TBC1D5: variants seen among roughly 807,000 people sequenced by gnomAD.
The protein encoded by TBC1D5 is TBC1 domain family, member 5.
Under a neutral mutation model 100.3 loss-of-function variants are expected in TBC1D5, and 75 were observed. The observed-to-expected ratio is 0.75, with a 90% CI of 0.62 to 0.91. The LOEUF (loss-of-function observed/expected upper bound fraction) is 0.91. Among genes scored for constraint, TBC1D5 ranks in the 40% least tolerant of loss-of-function variants. The pLI is 0.00. For synonymous variants in TBC1D5, 323 were observed against 325.6 expected, an observed-to-expected ratio of 0.99 and a Z score of 0.09; for missense variants, 910 against 942.4, an observed-to-expected ratio of 0.97 and a Z score of 0.45.
chr3:17,331,238 C>T (rs77139691), intron 13 of TBC1D5, among the ~76,000 whole-genome samples: 1 of 152,298 alleles, frequency 6.6e-6, no homozygotes, highest in African/African-American at 2.4e-5. Context: ...AACTTTCCAA[C>T]TCCCAACTCC....
intron 12 of TBC1D5, 134 bp from the exon 13 acceptor site, chr3:17,372,381 G>A: frequency 2.7e-6 from 2 of 728,296 alleles, no homozygotes; most frequent in Non-Finnish European, 2.0e-6. Context: ...AAAAAGGTGA[G>A]AGCACCATGA....
At chr3:17,195,958 C>A (rs1336201182) in intron 18 of TBC1D5, among the ~76,000 whole-genome samples, 1 of 152,158 alleles carries the variant, frequency 6.6e-6, no homozygotes, top group African/African-American at 2.4e-5. Flanking sequence ...TTGGTAAATG[C>A]TGCTGAGAAA....
chr3:17,343,655 G>T (rs1002339559), intron 13 of TBC1D5, among the ~76,000 whole-genome samples: 3 of 151,934 alleles, frequency 2.0e-5, no homozygotes, highest in African/African-American at 7.3e-5. Flanking sequence ...TCCTGTTACT[G>T]GTCTATTCAG....
intron 1 of TBC1D5, among the ~76,000 whole-genome samples, chr3:17,638,041 T>G (rs1209298724): frequency 6.6e-6 from 1 of 152,184 alleles, no homozygotes; most frequent in African/African-American, 2.4e-5. Context: ...TGATGCCATA[T>G]TGCCACAATT....
At chr3:17,561,187 AT>A (rs756498210) in intron 2 of TBC1D5, among the ~76,000 whole-genome samples, 9 of 152,206 alleles carry the variant, frequency 5.9e-5, no homozygotes, top group Non-Finnish European at 7.3e-5. Flanking sequence ...TCACGAAGAC[AT>A]ATATTTGTTT....
intron 13 of TBC1D5, among the ~76,000 whole-genome samples, chr3:17,312,047 T>G (rs2084088205): frequency 6.6e-6 from 1 of 152,156 alleles, no homozygotes; most frequent in Non-Finnish European, 1.5e-5. Flanking sequence ...GCTTGGGTAC[T>G]TCTTTGACTG....
At chr3:17,709,267 A>C (rs1311400523) in intron 1 of TBC1D5, among the ~76,000 whole-genome samples, 1 of 152,214 alleles carries the variant, frequency 6.6e-6, no homozygotes, top group Non-Finnish European at 1.5e-5. Flanking sequence ...TGGCCTGTAC[A>C]TGTAAAGGCA....
chr3:17,457,524 A>C (rs1172836574), intron 3 of TBC1D5, among the ~76,000 whole-genome samples: 2 of 152,126 alleles, frequency 1.3e-5, no homozygotes, highest in African/African-American at 4.8e-5. Flanking sequence ...AATTCAAATA[A>C]AATTTTTGTA....
At chr3:17,687,893 C>A (rs112529181) in intron 1 of TBC1D5, among the ~76,000 whole-genome samples, 1,732 of 152,156 alleles carry the variant, frequency 0.011, 37 homozygotes, top group African/African-American at 0.039. Context: ...TCTTTTGTAA[C>A]TAAGGAAGAC....
At chr3:17,311,512 A>T (rs1340041903) in intron 13 of TBC1D5, among the ~76,000 whole-genome samples, 2 of 152,080 alleles carry the variant, frequency 1.3e-5, no homozygotes, top group African/African-American at 4.8e-5. Context: ...CCAGGGGAAC[A>T]GTAACTACTG....
At chr3:17,735,116 A>G (rs2076861567) in intron 1 of TBC1D5, among the ~76,000 whole-genome samples, 1 of 152,180 alleles carries the variant, frequency 6.6e-6, no homozygotes, top group Non-Finnish European at 1.5e-5. Context: ...AAAATGAAAA[A>G]TAAAGATGAG....
At chr3:17,459,622 A>C (rs1278939467) in intron 3 of TBC1D5, among the ~76,000 whole-genome samples, 8 of 152,134 alleles carry the variant, frequency 5.3e-5, no homozygotes, top group Non-Finnish European at 8.8e-5. Flanking sequence ...GAGGGGCTGG[A>C]TGCAGCAGCG....
At chr3:17,603,344 G>A (rs750048762) in intron 2 of TBC1D5, among the ~76,000 whole-genome samples, 2 of 152,064 alleles carry the variant, frequency 1.3e-5, no homozygotes, top group East Asian at 1.9e-4. Flanking sequence ...AATGAGATGC[G>A]TAAAGCAGCC....
intron 2 of TBC1D5, among the ~76,000 whole-genome samples, chr3:17,518,653 T>C (rs1436150497): frequency 6.6e-6 from 1 of 152,214 alleles, no homozygotes; most frequent in African/African-American, 2.4e-5. Context: ...CAAGTGCAGA[T>C]ACAAAAGGCT....
chr3:17,467,333 T>C (rs1264873074), intron 3 of TBC1D5, among the ~76,000 whole-genome samples: 6 of 150,704 alleles, frequency 4.0e-5, no homozygotes, highest in African/African-American at 1.5e-4. Flanking sequence ...TTTACTATTA[T>C]ACTTTAAGTT....
In TBC1D5 at chr3:17,428,503, A is replaced by G. The variant is rs769990208; in HGVS notation, c.114T>C (p.Asn38=). The G allele has an allele frequency of 2.0e-6, 3 of 1,511,070 alleles. No individual in the cohort carries two copies. In the African/African-American group the frequency reaches 4.3e-5, roughly 21 times the overall value. The allele number at this position is 1,511,070 out of a possible 1,614,324, so 93.6% of individuals were successfully genotyped here. The change falls in exon 4 of 22, where the codon AAT becomes AAC. Residue 38 remains asparagine, a synonymous_variant. Coordinates refer to ENST00000253692, the Ensembl canonical transcript of TBC1D5. ...CTAAAGTAGAACTTGTTCTTCTTCC[A>G]TTTTTATTTGAATCTCCTGGAGAAA...
intron 1 of TBC1D5, among the ~76,000 whole-genome samples, chr3:17,694,143 C>T (rs1315151561): frequency 1.3e-5 from 2 of 152,176 alleles, no homozygotes; most frequent in Non-Finnish European, 2.9e-5. Flanking sequence ...GGGGAGAAAC[C>T]AGAGCAGAAA....
At chr3:17,725,892 G>A (rs2076085146) in intron 1 of TBC1D5, among the ~76,000 whole-genome samples, 1 of 152,142 alleles carries the variant, frequency 6.6e-6, no homozygotes, top group Admixed American at 6.6e-5. Flanking sequence ...GTAGGCCCCA[G>A]TGTCTGTTGT....
chr3:17,333,823 G>A (rs941074797), intron 13 of TBC1D5, among the ~76,000 whole-genome samples: 12 of 152,250 alleles, frequency 7.9e-5, no homozygotes, highest in African/African-American at 2.9e-4. Flanking sequence ...TTAGAAGCTA[G>A]AGAAAGTGAG....
Sources: gnomAD v4.1 joint callset for allele counts (sites outside exome capture counted in the v4.1 genomes callset) on GRCh38, gnomAD v4.1.1 for gene constraint, MANE v1.5 for transcripts, NCBI Gene and HGNC (gene_info 2026-07-23, HGNC 2026-07-21) for gene names.